The following TRIP11 variants were observed in gnomAD, a reference collection of about 807,000 sequenced individuals.
TRIP11 encodes the protein thyroid hormone receptor interactor 11.
TRIP11 carries 148 observed loss-of-function variants against 223.1 expected under a neutral mutation model. The ratio of observed to expected loss-of-function variants is 0.66; its 90% CI spans 0.58 to 0.76. The LOEUF (loss-of-function observed/expected upper bound fraction) is 0.76, where lower values mean the gene tolerates loss of function less well. TRIP11 is among the 30% of genes least tolerant of loss of function. TRIP11 has a pLI of 0.00. For missense variants in TRIP11, 2,043 were observed against 2,222.0 expected (o/e 0.92, Z 1.62); for synonymous variants, 762 against 772.6 (o/e 0.99, Z 0.23).
intron 3 of TRIP11, among the ~76,000 whole-genome samples, chr14:92,022,428 A>G (rs2057126677): frequency 6.6e-6 from 1 of 152,220 alleles, no homozygotes; most frequent in Admixed American, 6.5e-5. Context: ...TCTTAAAAAG[A>G]AATAATATAC....
intron 2 of TRIP11, chr14:92,026,798 G>A: frequency 7.7e-7 from 1 of 1,293,886 alleles, no homozygotes; most frequent in Non-Finnish European, 1.1e-6. Context: ...AGATGAGGAA[G>A]CTGAGTCAGC....
chr14:92,024,137 G>A (rs1014145659), intron 3 of TRIP11, among the ~76,000 whole-genome samples: 2 of 152,098 alleles, frequency 1.3e-5, no homozygotes, highest in Non-Finnish European at 2.9e-5. Flanking sequence ...CAACACTTTG[G>A]GAGGCCAAGG....
chr14:91,986,870 C>T (rs1417706618), intron 16 of TRIP11, among the ~76,000 whole-genome samples: 1 of 152,076 alleles, frequency 6.6e-6, no homozygotes, highest in Admixed American at 6.5e-5. Flanking sequence ...CGTTAGGGCA[C>T]AATACAGAAG....
At position 91,975,229 on chromosome 14, in the gene TRIP11, A is replaced by G. The variant is rs371499684; in HGVS notation, c.5400T>C (p.His1800=). The G allele has an allele frequency of 3.3e-5, 53 of 1,613,738 alleles. No homozygotes were observed. Among genetic ancestry groups the G allele is most frequent in the Admixed American group, 2.0e-4 (12 of 59,992 alleles). ...GHFHTPKNQR[H]EVLRLMGSIL... ...TGCTCCCCATTAACCGTAACACTTC[A>G]TGACGCTGATTTTTCGGTGTGTGGA... is the stretch of plus-strand genomic sequence containing the variant. The change falls in exon 18 of 21, where the codon CAT becomes CAC. Residue 1800 remains histidine (H), a synonymous_variant. Transcript: ENST00000267622.
chr14:92,032,520 G>A (rs1179824025), intron 2 of TRIP11, among the ~76,000 whole-genome samples: 1 of 152,004 alleles, frequency 6.6e-6, no homozygotes, highest in East Asian at 1.9e-4. Flanking sequence ...AAAGCTCCAG[G>A]TTAAACAGAA....
intron 9 of TRIP11, among the ~76,000 whole-genome samples, chr14:92,008,056 A>G (rs1256006646): frequency 6.6e-6 from 1 of 152,212 alleles, no homozygotes; most frequent in African/African-American, 2.4e-5. Flanking sequence ...GCTTCAAGCA[A>G]AACATTTCTA....
At position 92,025,405 on chromosome 14, in the gene TRIP11, T is replaced by C. The variant is rs114300046; in HGVS notation, c.217A>G (p.Lys73Glu). The change falls in exon 3 of 21, where the codon AAA becomes GAA. Residue 73 changes from lysine to glutamate, a missense_variant. By Grantham distance (56) the Lys-to-Glu change is moderately conservative. Coordinates refer to ENST00000267622, the MANE Select transcript of TRIP11 (RefSeq NM_004239.4). ...ILRSENERLK[K>E]LCTDLEEKHE... ...TTCTCTTCTAGATCAGTACAAAGTTTCTTAAGCCTTTCATTCTAGAAAAAA... is the reference window on the plus strand; with the variant it reads ...TTCTCTTCTAGATCAGTACAAAGTTCCTTAAGCCTTTCATTCTAGAAAAAA... 709 of 1,612,688 alleles carry C rather than the reference T, an allele frequency of 4.4e-4. 1 individual carries two copies. In the African/African-American group the frequency reaches 4.7e-3, roughly 11 times the overall value.
chr14:92,022,780 T>C (rs1349854463), intron 3 of TRIP11, among the ~76,000 whole-genome samples: 1 of 152,198 alleles, frequency 6.6e-6, no homozygotes, highest in African/African-American at 2.4e-5. Flanking sequence ...GTTAAGCAAG[T>C]AGACAAAAAC....
chr14:91,994,917 C>T (rs1009752033), intron 14 of TRIP11, among the ~76,000 whole-genome samples: 1 of 152,150 alleles, frequency 6.6e-6, no homozygotes, highest in Non-Finnish European at 1.5e-5. Context: ...TGTGAATCAC[C>T]ATTTCAAAGA....
intron 1 of TRIP11, among the ~76,000 whole-genome samples, chr14:92,036,443 G>A (rs753063433): frequency 1.3e-5 from 2 of 152,098 alleles, no homozygotes; most frequent in African/African-American, 2.4e-5. Flanking sequence ...CAACATATAA[G>A]GAAACTGTGC....
intron 3 of TRIP11, among the ~76,000 whole-genome samples, chr14:92,023,741 G>A (rs1039874966): frequency 6.6e-6 from 1 of 152,144 alleles, no homozygotes; most frequent in Non-Finnish European, 1.5e-5. Context: ...CTCAAAATGT[G>A]GTCCACAGAC....
At chr14:92,002,314 ATGAACTCC>A (rs1298476633) in intron 11 of TRIP11, among the ~76,000 whole-genome samples, 1 of 152,210 alleles carries the variant, frequency 6.6e-6, no homozygotes, top group Non-Finnish European at 1.5e-5. Flanking sequence ...TATAACTGCT[ATGAACTCC>A]TGTTTTATAG....
chr14:92,007,997 G>A lies in TRIP11; in HGVS notation c.1315-145C>T, dbSNP rs569834378. On this transcript the variant is annotated intron_variant, in intron 9 of 20. Transcript: ENST00000267622. ...TTGAACAATACCTCAATAATTGTAT[G>A]TGAAATTCAACAAACCACATCCTTC... 3.0e-4 allele frequency: 200 copies of A among 671,762 alleles called. No individual in the cohort carries two copies. The African/African-American group carries it at 3.3e-3, about 11-fold the overall frequency. 41.6% of individuals were successfully genotyped at this position (671,762 alleles called of 1,614,324 possible).
chr14:92,021,060 A>C (rs1382186643), intron 4 of TRIP11, among the ~76,000 whole-genome samples: 4 of 133,914 alleles, frequency 3.0e-5, no homozygotes, highest in South Asian at 2.4e-4. Flanking sequence ...ACAGAGTAAG[A>C]CTCTGTCTCA....
intron 14 of TRIP11, 143 bp downstream of exon 14, chr14:91,995,209 T>C (rs2056734231): frequency 3.5e-6 from 3 of 866,566 alleles, no homozygotes; most frequent in African/African-American, 1.7e-5. Context: ...AATTAACTTT[T>C]TGATGGCTAC....
intron 14 of TRIP11, 149 bp from the exon 15 acceptor site, chr14:91,994,061 T>C: frequency 1.5e-6 from 1 of 653,994 alleles, no homozygotes; most frequent in Admixed American, 2.4e-5. Flanking sequence ...TGTTAAGCGG[T>C]ACTAAACTAA....
In TRIP11 at chr14:91,976,192, G is replaced by A; in HGVS notation, c.5261-3C>T. 1 of 1,611,162 alleles carries A rather than the reference G, an allele frequency of 6.2e-7. No homozygotes were observed. The highest frequency in any genetic ancestry group is 8.5e-7 in the Non-Finnish European group (1 of 1,179,408). On this transcript the variant is annotated splice_region_variant and splice_polypyrimidine_tract_variant and intron_variant, in intron 16 of 20. Transcript: ENST00000267622. ...CAGCATTTCTTGTCGGAGCTCATCT[G>A]TTGTAAAATATGTGAATAAAGATAG... is the stretch of plus-strand genomic sequence containing the variant.
At chr14:92,003,218 A>G (rs1388358240) in intron 11 of TRIP11, among the ~76,000 whole-genome samples, 1 of 152,194 alleles carries the variant, frequency 6.6e-6, no homozygotes, top group African/African-American at 2.4e-5. Flanking sequence ...TACCAAAAGC[A>G]TTTGGAAATA....
chr14:92,020,032 G>A (rs2057090483), intron 4 of TRIP11, among the ~76,000 whole-genome samples: 3 of 152,084 alleles, frequency 2.0e-5, no homozygotes, highest in South Asian at 4.1e-4. Context: ...TGGGCGGCCT[G>A]AGGTCAAGAG....
Sources: gnomAD v4.1 joint callset for allele counts (sites outside exome capture counted in the v4.1 genomes callset) on GRCh38, gnomAD v4.1.1 for gene constraint, MANE v1.5 for transcripts, NCBI Gene and HGNC (gene_info 2026-07-23, HGNC 2026-07-21) for gene names.